Variants in PALLD observed in about 807,000 individuals in gnomAD.
PALLD encodes palladin, cytoskeletal associated protein.
A neutral mutation model predicts 123.5 loss-of-function variants in PALLD; 61 were observed. That is an observed-to-expected ratio of 0.49 (90% CI 0.40 to 0.61). The LOEUF is 0.61. Among genes scored for constraint, PALLD ranks in the 20% least tolerant of loss-of-function variants. The probability of loss-of-function intolerance (pLI) is 0.00; values close to 1 mark genes in which losing one functional copy is unlikely to be tolerated. For missense variants in PALLD, 1,273 were observed against 1,377.0 expected, an observed-to-expected ratio of 0.92 and a Z score of 1.20; for synonymous variants, 465 against 496.4, an observed-to-expected ratio of 0.94 and a Z score of 0.84.
chr4:168,710,894 C>T (rs545212306), intron 9 of PALLD, among the ~76,000 whole-genome samples: 14 of 152,134 alleles, frequency 9.2e-5, no homozygotes, highest in African/African-American at 3.4e-4. Context: ...ACATAATCAA[C>T]AAATATTTTA....
chr4:168,920,076 C>T (rs140648695), intron 17 of PALLD, among the ~76,000 whole-genome samples: 5 of 152,238 alleles, frequency 3.3e-5, no homozygotes, highest in East Asian at 1.9e-4. Context: ...CAAGCAGTGC[C>T]GCTTTGTTTC....
At chr4:168,530,329 T>C (rs567885193) in intron 2 of PALLD, among the ~76,000 whole-genome samples, 1 of 152,362 alleles carries the variant, frequency 6.6e-6, no homozygotes, top group Non-Finnish European at 1.5e-5. Flanking sequence ...ATTTGGACTA[T>C]GTTATGCATG....
intron 2 of PALLD, among the ~76,000 whole-genome samples, chr4:168,635,782 C>G (rs1776286197): frequency 6.6e-6 from 1 of 152,164 alleles, no homozygotes; most frequent in African/African-American, 2.4e-5. Context: ...TCTGAGCCAG[C>G]CTGGATTCCC....
chr4:168,689,251 T>C (rs1451882598), intron 6 of PALLD, among the ~76,000 whole-genome samples: 3 of 152,112 alleles, frequency 2.0e-5, no homozygotes, highest in Non-Finnish European at 2.9e-5. Flanking sequence ...GGTTACAGAA[T>C]TGGTTTTTTC....
At chr4:168,539,273 G>A (rs748118313) in intron 2 of PALLD, among the ~76,000 whole-genome samples, 4 of 152,086 alleles carry the variant, frequency 2.6e-5, no homozygotes, top group African/African-American at 7.2e-5. Context: ...CAGACCCCAC[G>A]TCAAGGGGTT....
chr4:168,580,037 C>G (rs1770073883), intron 2 of PALLD, among the ~76,000 whole-genome samples: 1 of 151,970 alleles, frequency 6.6e-6, no homozygotes, highest in African/African-American at 2.4e-5. Context: ...TCATTTCCTC[C>G]ACCATCCAAA....
At chr4:168,876,283 C>A (rs181152263) in intron 10 of PALLD, among the ~76,000 whole-genome samples, 105 of 152,320 alleles carry the variant, frequency 6.9e-4, no homozygotes, top group African/African-American at 2.1e-3. Context: ...TGGGCCAGTT[C>A]TAAATGCATG....
chr4:168,643,948 C>A (rs550287827), intron 2 of PALLD, among the ~76,000 whole-genome samples: 4 of 152,226 alleles, frequency 2.6e-5, no homozygotes, highest in African/African-American at 9.6e-5. Context: ...AGGGTACTAA[C>A]CCTGGTGTGC....
intron 8 of PALLD, among the ~76,000 whole-genome samples, chr4:168,694,564 C>G (rs1365500631): frequency 1.3e-5 from 2 of 152,014 alleles, no homozygotes; most frequent in Admixed American, 6.6e-5. Flanking sequence ...TCTCTTTACT[C>G]TCTTCCTTAT....
chr4:168,532,291 T>C (rs1164742728), intron 2 of PALLD, among the ~76,000 whole-genome samples: 3 of 152,194 alleles, frequency 2.0e-5, no homozygotes, highest in African/African-American at 7.2e-5. Flanking sequence ...TCTTATTCTC[T>C]ACAGGGAAAT....
At chr4:168,629,541 T>C (rs977187779) in intron 2 of PALLD, among the ~76,000 whole-genome samples, 142 of 152,076 alleles carry the variant, frequency 9.3e-4, no homozygotes, top group African/African-American at 3.3e-3. Context: ...AAAAGAAAAA[T>C]AAAAGCTGAT....
intron 15 of PALLD, among the ~76,000 whole-genome samples, chr4:168,909,124 C>G (rs1159698187): frequency 1.3e-5 from 2 of 152,178 alleles, no homozygotes; most frequent in African/African-American, 4.8e-5. Context: ...AAATGAGGAT[C>G]ACAAATACAG....
intron 8 of PALLD, among the ~76,000 whole-genome samples, chr4:168,704,218 A>G (rs1783995353): frequency 6.6e-6 from 1 of 151,970 alleles, no homozygotes; most frequent in Admixed American, 6.5e-5. Flanking sequence ...CTTACACCTT[A>G]TACAAAAATT....
intron 2 of PALLD, among the ~76,000 whole-genome samples, chr4:168,521,804 G>C (rs1763595080): frequency 6.6e-6 from 1 of 152,202 alleles, no homozygotes; most frequent in Admixed American, 6.5e-5. Flanking sequence ...GTATCTCAGA[G>C]TCGGAATCAT....
intron 10 of PALLD, among the ~76,000 whole-genome samples, chr4:168,753,167 G>A (rs1407962994): frequency 6.6e-6 from 1 of 152,108 alleles, no homozygotes; most frequent in Non-Finnish European, 1.5e-5. Flanking sequence ...AAATGCTAGA[G>A]AAGACTCTCC....
At chr4:168,620,154 T>C (rs906638469) in intron 2 of PALLD, among the ~76,000 whole-genome samples, 2 of 152,214 alleles carry the variant, frequency 1.3e-5, no homozygotes, top group African/African-American at 2.4e-5. Context: ...GCTTTAATGG[T>C]ATTTCAATAA....
intron 10 of PALLD, among the ~76,000 whole-genome samples, chr4:168,843,542 C>T (rs78313144): frequency 1.2e-4 from 18 of 152,126 alleles, no homozygotes; most frequent in African/African-American, 3.6e-4. Flanking sequence ...AATGATGCTA[C>T]AATTAGAAAG....
intron 2 of PALLD, among the ~76,000 whole-genome samples, chr4:168,527,638 G>A (rs1037262782): frequency 6.6e-6 from 1 of 152,056 alleles, no homozygotes; most frequent in Non-Finnish European, 1.5e-5. Flanking sequence ...ATTTAAATAT[G>A]AGGATCATAA....
At chr4:168,614,376 A>G (rs1438319824) in intron 2 of PALLD, among the ~76,000 whole-genome samples, 1 of 152,212 alleles carries the variant, frequency 6.6e-6, no homozygotes, top group Admixed American at 6.5e-5. Flanking sequence ...CCAGCTCAAG[A>G]GAGGGAGAGA....
Sources: gnomAD v4.1 joint callset for allele counts (sites outside exome capture counted in the v4.1 genomes callset) on GRCh38, gnomAD v4.1.1 for gene constraint, MANE v1.5 for transcripts, NCBI Gene and HGNC (gene_info 2026-07-23, HGNC 2026-07-21) for gene names.